The following TASP1 variants were observed in gnomAD, a reference collection of about 807,000 sequenced individuals.
TASP1 encodes taspase 1, also known as threonine aspartase 1.
In TASP1, 16 loss-of-function variants were observed where a neutral mutation model predicts 56.6. That is an observed-to-expected ratio of 0.28 (90% CI 0.19 to 0.43). The LOEUF is 0.43. Among genes scored for constraint, TASP1 ranks in the 20% least tolerant of loss-of-function variants. The probability of loss-of-function intolerance (pLI) is 1.00; values close to 1 mark genes in which losing one functional copy is unlikely to be tolerated. For missense variants in TASP1, 393 were observed against 511.6 expected (o/e 0.77, Z 2.24); for synonymous variants, 179 against 184.2 (o/e 0.97, Z 0.23).
chr20:13,468,055 C>CA (rs921185528), intron 11 of TASP1, among the ~76,000 whole-genome samples: 7 of 151,686 alleles, frequency 4.6e-5, no homozygotes, highest in African/African-American at 1.7e-4. Context: ...AAACAAAAAA[C>CA]AAAAAACAAA....
chr20:13,288,464 T>C, the TASP1 span: 14 of 1,485,342 alleles, frequency 9.4e-6, no homozygotes, highest in African/African-American at 1.5e-4. Context: ...AAGTGAATAA[T>C]TGACAGGCTG....
At chr20:13,293,093 G>A in the TASP1 span, among the ~76,000 whole-genome samples, 3 of 151,772 alleles carry the variant, frequency 2.0e-5, no homozygotes, top group South Asian at 2.1e-4. Flanking sequence ...CCAGCTACTC[G>A]GGAGGCTGAG....
chr20:13,225,361 G>A, the TASP1 span, among the ~76,000 whole-genome samples: 3 of 152,184 alleles, frequency 2.0e-5, no homozygotes, highest in African/African-American at 7.2e-5. Flanking sequence ...TCAAGAGAGA[G>A]AAAGGCTTTT....
At chr20:13,438,186 C>G (rs547446953) in intron 11 of TASP1, among the ~76,000 whole-genome samples, 4 of 152,076 alleles carry the variant, frequency 2.6e-5, no homozygotes, top group African/African-American at 9.7e-5. Context: ...AAAAGGAGCC[C>G]GCATTGCCAA....
At chr20:13,347,824 A>G in the TASP1 span, among the ~76,000 whole-genome samples, 3 of 151,498 alleles carry the variant, frequency 2.0e-5, no homozygotes, top group Non-Finnish European at 4.4e-5. Context: ...CCTGGGCGAC[A>G]TAGCGAGACT....
the TASP1 span, among the ~76,000 whole-genome samples, chr20:13,134,287 G>A: frequency 7.9e-5 from 12 of 152,266 alleles, no homozygotes; most frequent in East Asian, 1.2e-3. Flanking sequence ...TTGTATCTCC[G>A]AATACTTAAC....
chr20:13,636,494 G>T (rs1444692646), intron 1 of TASP1, among the ~76,000 whole-genome samples: 2 of 151,776 alleles, frequency 1.3e-5, no homozygotes, highest in Non-Finnish European at 2.9e-5. Flanking sequence ...GATATTGAAG[G>T]TTTAATGCCT....
At chr20:13,561,553 G>T (rs2046344317) in intron 7 of TASP1, among the ~76,000 whole-genome samples, 1 of 152,050 alleles carries the variant, frequency 6.6e-6, no homozygotes, top group Non-Finnish European at 1.5e-5. Context: ...TTTTAGTAAA[G>T]ACAGGGTTTC....
chr20:13,186,849 G>A, the TASP1 span, among the ~76,000 whole-genome samples: 1 of 152,108 alleles, frequency 6.6e-6, no homozygotes, highest in Non-Finnish European at 1.5e-5. Flanking sequence ...AAAGGTACAA[G>A]GCATGCCAAA....
At chr20:13,207,429 TAGAC>T in the TASP1 span, among the ~76,000 whole-genome samples, 2 of 152,136 alleles carry the variant, frequency 1.3e-5, no homozygotes, top group African/African-American at 4.8e-5. Flanking sequence ...TAGATAGACA[TAGAC>T]AGACACAGTC....
At chr20:13,473,518 C>T (rs1170208821) in intron 11 of TASP1, among the ~76,000 whole-genome samples, 2 of 151,978 alleles carry the variant, frequency 1.3e-5, no homozygotes, top group Non-Finnish European at 2.9e-5. Context: ...AACTCTATTG[C>T]CAAAAGCCTT....
intron 12 of TASP1, among the ~76,000 whole-genome samples, chr20:13,431,965 C>G (rs974025711): frequency 3.9e-5 from 6 of 152,306 alleles, no homozygotes; most frequent in South Asian, 2.1e-4. Context: ...CCTTGGACTT[C>G]TAAGCCTCCA....
the TASP1 span, among the ~76,000 whole-genome samples, chr20:13,197,964 T>C: frequency 1.3e-5 from 2 of 152,242 alleles, no homozygotes; most frequent in South Asian, 4.1e-4. Flanking sequence ...TATACTATAA[T>C]AATTAGGCCT....
intron 12 of TASP1, among the ~76,000 whole-genome samples, chr20:13,417,880 GCA>G (rs147149183): frequency 6.6e-6 from 1 of 151,274 alleles, no homozygotes; most frequent in African/African-American, 2.4e-5. Flanking sequence ...ACACGTGCAT[GCA>G]CACACACACA....
At chr20:13,317,122 C>A in the TASP1 span, among the ~76,000 whole-genome samples, 1 of 151,856 alleles carries the variant, frequency 6.6e-6, no homozygotes, top group Non-Finnish European at 1.5e-5. Flanking sequence ...CACAAATGTT[C>A]ATTGCTGTAT....
rs185087847 is a variant in TASP1, at chr20:13,543,251, C to T, written c.676-9110G>A. On this transcript the variant is annotated intron_variant, in intron 8 of 13. Coordinates refer to ENST00000337743, the MANE Select transcript of TASP1 (RefSeq NM_017714.3). ...ACCCTCATCCCCACCCCACCCACAC[C>T]ACACATTAAAGTACTACATATCTTC... Among the ~76,000 whole-genome samples, 477 of 152,236 alleles carry T rather than the reference C, an allele frequency of 3.1e-3. 1 individual carries two copies. The highest frequency in any genetic ancestry group is 5.3e-3 in the Non-Finnish European group (360 of 68,022).
At chr20:13,254,969 C>G in the TASP1 span, among the ~76,000 whole-genome samples, 2 of 152,216 alleles carry the variant, frequency 1.3e-5, no homozygotes, top group Non-Finnish European at 2.9e-5. Context: ...GGGCTCTAGG[C>G]CAAGTGCTGA....
intron 12 of TASP1, among the ~76,000 whole-genome samples, chr20:13,430,673 TG>T (rs2042775638): frequency 6.6e-6 from 1 of 152,192 alleles, no homozygotes; most frequent in Admixed American, 6.5e-5. Context: ...GAGTCTCTAG[TG>T]TTTGGCTCAC....
the TASP1 span, chr20:13,279,554 T>G: frequency 7.1e-7 from 1 of 1,400,284 alleles, no homozygotes; most frequent in Non-Finnish European, 9.7e-7. Flanking sequence ...CCCTCTGCCC[T>G]CTCAGACTTT....
Sources: gnomAD v4.1 joint callset for allele counts (sites outside exome capture counted in the v4.1 genomes callset) on GRCh38, gnomAD v4.1.1 for gene constraint, MANE v1.5 for transcripts, NCBI Gene and HGNC (gene_info 2026-07-23, HGNC 2026-07-21) for gene names.